Variants in ADAMTSL1 observed in about 807,000 individuals in gnomAD.
ADAMTSL1 encodes the protein ADAMTS-like protein 1.
Under a neutral mutation model 201.8 loss-of-function variants are expected in ADAMTSL1, and 126 were observed. The observed-to-expected ratio is 0.62, with a 90% confidence interval of 0.54 to 0.72. The LOEUF is 0.72. ADAMTSL1 is among the 30% of genes least tolerant of loss of function. The probability of loss-of-function intolerance (pLI) is 0.00; values close to 1 mark genes in which losing one functional copy is unlikely to be tolerated. For missense variants in ADAMTSL1, 2,679 were observed against 2,277.8 expected (o/e 1.18, Z -3.59); for synonymous variants, 1,121 against 903.4 (o/e 1.24, Z -4.32).
chr9:18,645,015 G>A (rs562646541), intron 7 of ADAMTSL1, among the ~76,000 whole-genome samples: 1 of 152,068 alleles, frequency 6.6e-6, no homozygotes, highest in Non-Finnish European at 1.5e-5. Context: ...CAGTGTAAAA[G>A]TGTTTCTATT....
intron 1 of ADAMTSL1, among the ~76,000 whole-genome samples, chr9:17,914,682 C>G (rs1296063128): frequency 3.3e-5 from 5 of 151,570 alleles, no homozygotes; most frequent in African/African-American, 7.3e-5. Flanking sequence ...GGCAATTAGG[C>G]AGGAGAAGGA....
chr9:18,709,027 A>T (rs1369444689), intron 14 of ADAMTSL1, among the ~76,000 whole-genome samples: 2 of 152,238 alleles, frequency 1.3e-5, no homozygotes, highest in Admixed American at 6.5e-5. Context: ...GTTTTTATAT[A>T]ACGTAAATTG....
At position 18,765,519 on chromosome 9, in the gene ADAMTSL1, A is replaced by T. The variant is rs190009447; in HGVS notation, c.2218-5083A>T. 2.0e-5 allele frequency among the ~76,000 whole-genome samples: 3 copies of T among 152,262 alleles called. No individual in the cohort carries two copies. The South Asian group carries it at 6.2e-4, about 32-fold the overall frequency. On this transcript the variant is annotated intron_variant, in intron 16 of 28. Coordinates refer to ENST00000380548, the MANE Select transcript of ADAMTSL1 (RefSeq NM_001040272.6). ...ATTTATGAATCATTATCAAAACACCATATACTCCCAGAACTTATTGTAAAA... is the reference window on the plus strand; with the variant it reads ...ATTTATGAATCATTATCAAAACACCTTATACTCCCAGAACTTATTGTAAAA...
intron 1 of ADAMTSL1, among the ~76,000 whole-genome samples, chr9:18,009,483 G>T (rs1032769811): frequency 6.6e-6 from 1 of 152,018 alleles, no homozygotes; most frequent in African/African-American, 2.4e-5. Context: ...CTGGTGCAGG[G>T]CCAATTAATA....
At chr9:18,452,469 C>T (rs1180832545) in intron 2 of ADAMTSL1, among the ~76,000 whole-genome samples, 1 of 152,140 alleles carries the variant, frequency 6.6e-6, no homozygotes, top group African/African-American at 2.4e-5. Flanking sequence ...CCAATAGTTT[C>T]AAAAGTCTTA....
At chr9:18,346,066 AT>A (rs2132994070) in intron 2 of ADAMTSL1, among the ~76,000 whole-genome samples, 1 of 152,112 alleles carries the variant, frequency 6.6e-6, no homozygotes, top group Non-Finnish European at 1.5e-5. Context: ...TCTGTACCTT[AT>A]CCCTGACCCT....
chr9:18,243,606 C>G (rs1317902936), intron 2 of ADAMTSL1, among the ~76,000 whole-genome samples: 2 of 152,000 alleles, frequency 1.3e-5, no homozygotes, highest in Non-Finnish European at 2.9e-5. Context: ...TTCCCTCATC[C>G]TGCCACACAA....
intron 2 of ADAMTSL1, among the ~76,000 whole-genome samples, chr9:18,458,304 A>G (rs1820682676): frequency 6.6e-6 from 1 of 152,234 alleles, no homozygotes; most frequent in African/African-American, 2.4e-5. Flanking sequence ...CTGAAATAAA[A>G]GTTTCACCAA....
intron 9 of ADAMTSL1, among the ~76,000 whole-genome samples, chr9:18,668,592 G>A (rs2133075180): frequency 6.6e-6 from 1 of 152,200 alleles, no homozygotes; most frequent in East Asian, 1.9e-4. Flanking sequence ...GACTTTACTA[G>A]CTAAGTAACT....
At chr9:18,671,950 T>C (rs2133099577) in intron 9 of ADAMTSL1, among the ~76,000 whole-genome samples, 1 of 152,138 alleles carries the variant, frequency 6.6e-6, no homozygotes, top group East Asian at 1.9e-4. Flanking sequence ...GGCAGGAGAA[T>C]GGCGTGAACC....
At chr9:18,845,106 T>A (rs1034655566) in intron 23 of ADAMTSL1, among the ~76,000 whole-genome samples, 3 of 152,198 alleles carry the variant, frequency 2.0e-5, no homozygotes, top group African/African-American at 7.2e-5. Flanking sequence ...CAGATGGAAA[T>A]GCAGAAATCA....
Position 18,287,280 on chromosome 9 carries a change from C to T in ADAMTSL1, c.207+123299C>T, listed in dbSNP as rs1455631586. Reference sequence around the variant, plus strand: ...GGCAAAGTAAATTACATGGCTCAGCCTGGCATCAATGGAAGTACATACGTA... The same window carrying T: ...GGCAAAGTAAATTACATGGCTCAGCTTGGCATCAATGGAAGTACATACGTA... On this transcript the variant is annotated intron_variant, in intron 2 of 29. Transcript: ENST00000680146. Among the ~76,000 whole-genome samples the T allele has an allele frequency of 2.0e-4, 31 of 152,008 alleles. 2 individuals carry two copies. Among genetic ancestry groups the T allele is most frequent in the Admixed American group, 2.0e-3 (31 of 15,260 alleles).
At chr9:18,243,365 A>G (rs1020400056) in intron 2 of ADAMTSL1, among the ~76,000 whole-genome samples, 1 of 152,012 alleles carries the variant, frequency 6.6e-6, no homozygotes, top group African/African-American at 2.4e-5. Flanking sequence ...CAATCAGCTC[A>G]CTCCATTACA....
At chr9:18,285,724 A>T (rs1312221531) in intron 2 of ADAMTSL1, among the ~76,000 whole-genome samples, 3 of 152,012 alleles carry the variant, frequency 2.0e-5, no homozygotes, top group Non-Finnish European at 4.4e-5. Context: ...TACTGTAGTC[A>T]AATATACCAC....
intron 3 of ADAMTSL1, among the ~76,000 whole-genome samples, chr9:18,567,039 G>T (rs1375841366): frequency 6.6e-6 from 1 of 152,184 alleles, no homozygotes; most frequent in East Asian, 1.9e-4. Context: ...TGTTTGAAAT[G>T]CAAATTATTA....
In ADAMTSL1 at chr9:18,379,734, C is replaced by G. The variant is rs77826369; in HGVS notation, c.208-125095C>G. Among the ~76,000 whole-genome samples, 1,382 of 151,982 alleles carry G rather than the reference C, an allele frequency of 9.1e-3. 24 individuals carry two copies. Among genetic ancestry groups the G allele is most frequent in the African/African-American group, 0.031 (1,304 of 41,444 alleles). On this transcript the variant is annotated intron_variant, in intron 2 of 29. Transcript: ENST00000680146. ...AGAGCATAAAATAGAAAAATGATGACTATGAGATGAAAGAAAAAACATAAA... is the reference window on the plus strand; with the variant it reads ...AGAGCATAAAATAGAAAAATGATGAGTATGAGATGAAAGAAAAAACATAAA...
At chr9:18,545,823 C>T (rs186927827) in intron 3 of ADAMTSL1, among the ~76,000 whole-genome samples, 6 of 152,264 alleles carry the variant, frequency 3.9e-5, no homozygotes, top group East Asian at 1.9e-4. Context: ...CAAGGCCCTA[C>T]GGAATGAAAC....
intron 1 of ADAMTSL1, among the ~76,000 whole-genome samples, chr9:18,128,696 T>G (rs1217580183): frequency 6.6e-6 from 1 of 152,240 alleles, no homozygotes; most frequent in East Asian, 1.9e-4. Context: ...ATTCAGTAAT[T>G]CAGCTATGAA....
At chr9:18,864,966 T>C (rs1474810658) in intron 23 of ADAMTSL1, among the ~76,000 whole-genome samples, 1 of 150,322 alleles carries the variant, frequency 6.7e-6, no homozygotes, top group Non-Finnish European at 1.5e-5. Context: ...TTCTGGTGTT[T>C]AAGATTAAAA....
Sources: gnomAD v4.1 joint callset for allele counts (sites outside exome capture counted in the v4.1 genomes callset) on GRCh38, gnomAD v4.1.1 for gene constraint, MANE v1.5 for transcripts, NCBI Gene and HGNC (gene_info 2026-07-23, HGNC 2026-07-21) for gene names.